Variants in ZNF449 observed in about 807,000 individuals in gnomAD.
ZNF449 encodes the protein zinc finger protein 449, also known as zinc finger and SCAN domain-containing protein 19.
Under a neutral mutation model 32.6 loss-of-function variants are expected in ZNF449, and 4 were observed. The observed-to-expected ratio is 0.12, with a 90% confidence interval of 0.06 to 0.28. ZNF449 has a LOEUF of 0.28. Among genes scored for constraint, ZNF449 ranks in the 10% least tolerant of loss-of-function variants. The probability of loss-of-function intolerance (pLI) is 1.00; values close to 1 mark genes in which losing one functional copy is unlikely to be tolerated. For missense variants in ZNF449, 275 were observed against 383.2 expected (o/e 0.72, Z 2.36); for synonymous variants, 123 against 132.2 (o/e 0.93, Z 0.48).
chrX:135,348,107 A>T, intron 2 of ZNF449: 1 of 129,855 alleles, frequency 7.7e-6, no homozygotes, highest in Admixed American at 8.5e-5. Flanking sequence ...CCAGAAATTC[A>T]GACTGATAAA....
chrX:135,359,721 A>G (rs1241346035), intron 3 of ZNF449, among the ~76,000 whole-genome samples, 171 bp from the exon 4 acceptor site: 1 of 111,672 alleles, frequency 9.0e-6, no homozygotes, highest in Non-Finnish European at 1.9e-5. Flanking sequence ...CCTCATTTTC[A>G]TTTTGCTCTT....
chrX:135,347,627 G>T, intron 2 of ZNF449, 155 bp downstream of exon 2: 1 of 1,148,668 alleles, frequency 8.7e-7, no homozygotes. Context: ...CAGCAAATGA[G>T]TCAGTGCTTT....
Position 135,349,232 on chromosome X carries a change from A to G in ZNF449, c.477A>G (p.Val159=), listed in dbSNP as rs1556449595. ...TGGGACCTGCCCAGGAGGCCCCAGT[A>G]GCAGAGGCATGGATCCCACAGGCAG... ...QVMGPAQEAP[V]AEAWIPQAGP... Residue 159 remains valine (V), a synonymous_variant, in exon 3 of 5, where the codon GTA becomes GTG. Coordinates refer to ENST00000339249, the MANE Select transcript of ZNF449 (RefSeq NM_152695.6). 4 of 1,211,968 alleles carry G rather than the reference A, an allele frequency of 3.3e-6. No homozygotes were observed. The highest frequency in any genetic ancestry group is 3.3e-6 in the Non-Finnish European group (3 of 895,553).
chrX:135,363,195 T>C lies in ZNF449; in HGVS notation c.*2119T>C, dbSNP rs2148507821. The C allele has an allele frequency of 8.9e-6, 1 of 112,367 alleles. No homozygotes were observed. Among genetic ancestry groups the C allele is most frequent in the Admixed American group, 9.4e-5 (1 of 10,609 alleles). The allele number at this position is 112,367 out of a possible 1,213,427, so 9.3% of individuals were successfully genotyped here. On this transcript the variant is annotated 3_prime_UTR_variant, in exon 5 of 5. Coordinates refer to ENST00000339249, the MANE Select transcript of ZNF449 (RefSeq NM_152695.6). Reference sequence around the variant, plus strand: ...ATTATTTGAACAACTTAGAGCTTCTTCCCTGAACAGTGGCAACAAGCATGG... The same window carrying C: ...ATTATTTGAACAACTTAGAGCTTCTCCCCTGAACAGTGGCAACAAGCATGG...
intron 3 of ZNF449, among the ~76,000 whole-genome samples, chrX:135,354,589 A>G (rs2084906495): frequency 8.9e-6 from 1 of 112,372 alleles, no homozygotes; most frequent in Non-Finnish European, 1.9e-5. Flanking sequence ...AAGCTCAACT[A>G]TGAGCACCAT....
In ZNF449 at chrX:135,363,129, C is replaced by T. The variant is rs1233723308; in HGVS notation, c.*2053C>T. 1.8e-5 allele frequency: 2 copies of T among 111,992 alleles called. No homozygotes were observed. The highest frequency in any genetic ancestry group is 6.5e-5 in the African/African-American group (2 of 30,825). The allele number at this position is 111,992 out of a possible 1,213,427, so 9.2% of individuals were successfully genotyped here. A position where few individuals can be genotyped will look rare whatever the true frequency, so the allele number is the denominator to read the frequency against. On this transcript the variant is annotated 3_prime_UTR_variant, in exon 5 of 5. Transcript: ENST00000339249. ...GTATTTATGCAATATTTGAATAAAGCGGAAATGTATGTGCTCTTCCTGCTT... is the reference window on the plus strand; with the variant it reads ...GTATTTATGCAATATTTGAATAAAGTGGAAATGTATGTGCTCTTCCTGCTT...
At chrX:135,357,830 C>T (rs1399455587) in intron 3 of ZNF449, among the ~76,000 whole-genome samples, 6 of 110,707 alleles carry the variant, frequency 5.4e-5, no homozygotes, top group African/African-American at 2.0e-4. Context: ...ATATCTTTTT[C>T]CATCCCTTTA....
intron 3 of ZNF449, among the ~76,000 whole-genome samples, chrX:135,353,584 A>G (rs782288214): frequency 5.4e-5 from 6 of 111,277 alleles, no homozygotes; most frequent in Non-Finnish European, 1.1e-4. Context: ...ATTCTAGACT[A>G]TGGTCTCAAA....
At position 135,361,280 on chromosome X, in the gene ZNF449, A is replaced by T. The variant is rs1421955769; in HGVS notation, c.*204A>T. ...TACTCCTGTGATTTTCTTAGATTTG[A>T]TTTCTTCTGTCTGCACAACTCTTCT... On this transcript the variant is annotated 3_prime_UTR_variant, in exon 5 of 5. Transcript: ENST00000339249. The T allele has an allele frequency of 3.1e-6, 1 of 317,833 alleles. No individual in the cohort carries two copies. Among genetic ancestry groups the T allele is most frequent in the Non-Finnish European group, 5.4e-6 (1 of 185,542 alleles). The allele number at this position is 317,833 out of a possible 1,213,427, so 26.2% of individuals were successfully genotyped here. A position where few individuals can be genotyped will look rare whatever the true frequency, so the allele number is the denominator to read the frequency against.
Position 135,347,130 on chromosome X carries a change from C to T in ZNF449, c.12C>T (p.Ala4=). 1 of 1,207,016 alleles carries T rather than the reference C, an allele frequency of 8.3e-7. No homozygotes were observed. The highest frequency in any genetic ancestry group is 1.1e-6 in the Non-Finnish European group (1 of 892,484). Residue 4 remains alanine, a synonymous_variant, in exon 2 of 5, where the codon GCC becomes GCT. Transcript: ENST00000339249. ...GCTGGAAGGGGGCGATGGCTGTGGC[C>T]CTGGGTTGTGCAATCCAGGCATCCT... MAV[A]LGCAIQASLN...
At chrX:135,350,374 C>T (rs1030914860) in intron 3 of ZNF449, among the ~76,000 whole-genome samples, 4 of 111,600 alleles carry the variant, frequency 3.6e-5, no homozygotes, top group Admixed American at 2.8e-4. Flanking sequence ...AGAATCCTCT[C>T]CCCGACTCCC....
chrX:135,348,813 T>C (rs1277072596), intron 2 of ZNF449: 3 of 1,043,903 alleles, frequency 2.9e-6, no homozygotes, highest in African/African-American at 3.8e-5. Context: ...CCTTGAAATA[T>C]GGCCAATACA....
chrX:135,349,104 C>A lies in ZNF449; in HGVS notation c.355-6C>A, dbSNP rs368895025. On this transcript the variant is annotated splice_region_variant and splice_polypyrimidine_tract_variant and intron_variant, in intron 2 of 4. Coordinates refer to ENST00000339249, the MANE Select transcript of ZNF449 (RefSeq NM_152695.6). ...TTGAGAGTGATGGTTCTGGCATTTC[C>A]CCCAGGTTGATATGCATGACATGCT... 36 of 1,208,689 alleles carry A rather than the reference C, an allele frequency of 3.0e-5. No homozygotes were observed. In the African/African-American group the frequency reaches 4.9e-4, roughly 16 times the overall value.
chrX:135,355,938 A>T (rs1265066116), intron 3 of ZNF449, among the ~76,000 whole-genome samples: 1 of 111,885 alleles, frequency 8.9e-6, no homozygotes, highest in African/African-American at 3.2e-5. Context: ...GCCTTTTATG[A>T]CTAGCTTCTT....
intron 3 of ZNF449, among the ~76,000 whole-genome samples, chrX:135,356,751 T>C (rs2084920205): frequency 1.8e-5 from 2 of 112,047 alleles, no homozygotes; most frequent in East Asian, 5.6e-4. Flanking sequence ...TTACAATAAG[T>C]AAGCTAGAGA....
rs1484359953 is a variant in ZNF449 at position 135,352,427 on chromosome X, T to C, written c.559+3113T>C. On this transcript the variant is annotated intron_variant, in intron 3 of 4. Transcript: ENST00000339249. The stretch of plus-strand genomic sequence containing the variant: ...AGATAGGCAATAATATTAGAATGTA[T>C]GCAATCAGAAAGAAAAGAGGCAAGG... Among the ~76,000 whole-genome samples, 4 of 112,017 alleles carry C rather than the reference T, an allele frequency of 3.6e-5. No individual in the cohort carries two copies. The Admixed American group carries it at 3.8e-4, about 11-fold the overall frequency.
chrX:135,357,030 A>T lies in ZNF449; in HGVS notation c.560-2862A>T, dbSNP rs189422856. On this transcript the variant is annotated intron_variant, in intron 3 of 4. Transcript: ENST00000339249. ...CAATGGTCAACTGTGTATTCTAGAT[A>T]AAAGTCCCTTATTAGACATATGATT... Among the ~76,000 whole-genome samples, 5 of 111,794 alleles carry T rather than the reference A, an allele frequency of 4.5e-5. No individual in the cohort carries two copies. In the Middle Eastern group the frequency reaches 0.014, roughly 308 times the overall value.
intron 2 of ZNF449, 81 bp downstream of exon 2, chrX:135,347,553 C>G (rs2084856036): frequency 8.5e-7 from 1 of 1,181,740 alleles, no homozygotes; most frequent in East Asian, 3.1e-5. Flanking sequence ...ACATTTGTCT[C>G]TATGTCATTC....
chrX:135,347,054 A>G lies in ZNF449; in HGVS notation c.-65A>G. On this transcript the variant is annotated 5_prime_UTR_variant, in exon 2 of 5. Coordinates refer to ENST00000339249, the MANE Select transcript of ZNF449 (RefSeq NM_152695.6). ...CTCCCTCCCACCCCAACGATTTCAG[A>G]GAGAAACAAGTCGGAATCTGAGAAG... is the stretch of plus-strand genomic sequence containing the variant. 1 of 1,095,738 alleles carries G rather than the reference A, an allele frequency of 9.1e-7. No individual in the cohort carries two copies. The highest frequency in any genetic ancestry group is 3.0e-5 in the East Asian group (1 of 33,162). 90.3% of individuals were successfully genotyped at this position (1,095,738 alleles called of 1,213,427 possible).
Sources: gnomAD v4.1 joint callset for allele counts (sites outside exome capture counted in the v4.1 genomes callset) on GRCh38, gnomAD v4.1.1 for gene constraint, MANE v1.5 for transcripts, NCBI Gene and HGNC (gene_info 2026-07-23, HGNC 2026-07-21) for gene names.